IDE: variants seen among roughly 807,000 people sequenced by gnomAD.
IDE encodes insulin degrading enzyme, also known as insulin-degrading enzyme.
A neutral mutation model predicts 133.2 loss-of-function variants in IDE; 58 were observed. That is an observed-to-expected ratio of 0.44 (90% confidence interval 0.35 to 0.54). The LOEUF (loss-of-function observed/expected upper bound fraction) is 0.54. Among genes scored for constraint, IDE ranks in the 20% least tolerant of loss-of-function variants. The pLI is 0.00. For synonymous variants in IDE, 396 were observed against 421.3 expected (o/e 0.94, Z 0.73); for missense variants, 981 against 1,234.0 (o/e 0.79, Z 3.07).
chr10:92,461,315 A>G (rs1372584631), intron 21 of IDE, 63 bp from the exon 22 acceptor site: 2 of 786,570 alleles, frequency 2.5e-6, no homozygotes, highest in Non-Finnish European at 4.5e-6. Context: ...AGAACAGTAC[A>G]CTAAATGACA....
intron 15 of IDE, chr10:92,478,746 G>A (rs1420879615): frequency 7.9e-7 from 1 of 1,271,784 alleles, no homozygotes. Context: ...CTGATAAACA[G>A]GTATGTCATG....
intron 1 of IDE, among the ~76,000 whole-genome samples, chr10:92,561,132 T>G (rs1394791202): frequency 6.6e-6 from 1 of 151,692 alleles, no homozygotes; most frequent in African/African-American, 2.4e-5. Context: ...GGTGGGCGCC[T>G]GTAATCCCAG....
At chr10:92,564,984 G>T (rs1017047152) in intron 1 of IDE, among the ~76,000 whole-genome samples, 2 of 151,860 alleles carry the variant, frequency 1.3e-5, no homozygotes, top group African/African-American at 4.8e-5. Flanking sequence ...GCTGGCTCAT[G>T]CCTGTAATCC....
intron 1 of IDE, among the ~76,000 whole-genome samples, chr10:92,546,318 C>G (rs930038223): frequency 6.6e-6 from 1 of 152,032 alleles, no homozygotes; most frequent in Non-Finnish European, 1.5e-5. Flanking sequence ...TATACAGGTA[C>G]GTTCAGTTTG....
chr10:92,468,846 G>A (rs1845820918), intron 19 of IDE, 33 bp downstream of exon 19: 2 of 1,127,296 alleles, frequency 1.8e-6, no homozygotes, highest in Admixed American at 3.4e-5. Context: ...TGTCAAAATA[G>A]TCCATTCCCA....
intron 22 of IDE, among the ~76,000 whole-genome samples, chr10:92,460,741 A>G (rs1230906582): frequency 6.6e-6 from 1 of 152,250 alleles, no homozygotes; most frequent in Non-Finnish European, 1.5e-5. Flanking sequence ...TCTAAAAGTC[A>G]TTAAGCGTTT....
chr10:92,544,944 T>A (rs909641581), intron 1 of IDE, among the ~76,000 whole-genome samples: 1 of 152,186 alleles, frequency 6.6e-6, no homozygotes, highest in Admixed American at 6.5e-5. Context: ...AAGTATACTA[T>A]TTTTTAAAAG....
intron 11 of IDE, among the ~76,000 whole-genome samples, chr10:92,499,270 G>A (rs1218481024): frequency 1.3e-5 from 2 of 150,542 alleles, no homozygotes; most frequent in South Asian, 2.1e-4. Context: ...TGCAACCTCC[G>A]GCCCCCAGGT....
At chr10:92,505,005 T>C (rs553035680) in intron 10 of IDE, 108 bp from the exon 11 acceptor site, 3 of 569,068 alleles carry the variant, frequency 5.3e-6, no homozygotes, top group South Asian at 2.7e-5. Context: ...CTTTCTCTCT[T>C]CAGTTAAATT....
At chr10:92,503,146 T>C (rs180888935) in intron 11 of IDE, among the ~76,000 whole-genome samples, 58 of 152,270 alleles carry the variant, frequency 3.8e-4, no homozygotes, top group African/African-American at 1.3e-3. Flanking sequence ...AAGAAAATTC[T>C]AGACTGGGCA....
At chr10:92,564,784 G>A (rs1341949337) in intron 1 of IDE, among the ~76,000 whole-genome samples, 1 of 149,256 alleles carries the variant, frequency 6.7e-6, no homozygotes, top group East Asian at 2.0e-4. Flanking sequence ...ACAGTTGGGT[G>A]TGATGGCTCA....
intron 4 of IDE, among the ~76,000 whole-genome samples, chr10:92,523,851 T>G (rs1196208580): frequency 6.6e-6 from 1 of 152,110 alleles, no homozygotes; most frequent in Non-Finnish European, 1.5e-5. Flanking sequence ...TTCTTTTATT[T>G]CCCTCCCAGC....
intron 1 of IDE, among the ~76,000 whole-genome samples, chr10:92,562,578 C>T (rs989195543): frequency 6.6e-6 from 1 of 152,084 alleles, no homozygotes; most frequent in Non-Finnish European, 1.5e-5. Context: ...GGAGTACAAA[C>T]TTAGAACAGG....
At chr10:92,455,006 G>A (rs898294774) in intron 24 of IDE, among the ~76,000 whole-genome samples, 1 of 152,032 alleles carries the variant, frequency 6.6e-6, no homozygotes, top group African/African-American at 2.4e-5. Context: ...ATTCAGTGCT[G>A]GGAACAGATG....
intron 13 of IDE, 135 bp from the exon 14 acceptor site, chr10:92,483,472 T>C (rs2135426169): frequency 6.5e-6 from 4 of 614,358 alleles, no homozygotes; most frequent in East Asian, 2.8e-5. Flanking sequence ...CCCATGGGCC[T>C]TGAAGCATAC....
chr10:92,491,263 C>T (rs1847324762), intron 11 of IDE, among the ~76,000 whole-genome samples: 1 of 150,664 alleles, frequency 6.6e-6, no homozygotes. Context: ...ACCAAAAAGG[C>T]AAAAAAAGTA....
intron 1 of IDE, among the ~76,000 whole-genome samples, chr10:92,547,560 A>G (rs1401246861): frequency 2.0e-5 from 3 of 152,160 alleles, no homozygotes; most frequent in Non-Finnish European, 4.4e-5. Context: ...ACATTTACCG[A>G]TAGAGCATCT....
At chr10:92,524,578 A>G (rs1849525302) in intron 4 of IDE, among the ~76,000 whole-genome samples, 2 of 113,520 alleles carry the variant, frequency 1.8e-5, no homozygotes, top group African/African-American at 6.5e-5. Context: ...AATATATATC[A>G]TTCAACATGA....
chr10:92,500,902 G>C (rs544651387), intron 11 of IDE, among the ~76,000 whole-genome samples: 2 of 151,770 alleles, frequency 1.3e-5, no homozygotes, highest in Non-Finnish European at 2.9e-5. Context: ...TTAGCTGGGC[G>C]TGGTGGCATA....
Sources: gnomAD v4.1 joint callset for allele counts (sites outside exome capture counted in the v4.1 genomes callset) on GRCh38, gnomAD v4.1.1 for gene constraint, MANE v1.5 for transcripts, NCBI Gene and HGNC (gene_info 2026-07-23, HGNC 2026-07-21) for gene names.